LRRC4C: variants seen among roughly 807,000 people sequenced by gnomAD.
LRRC4C encodes leucine-rich repeat-containing protein 4C.
Under a neutral mutation model 33.6 loss-of-function variants are expected in LRRC4C, and 5 were observed. The ratio of observed to expected loss-of-function variants is 0.15; its 90% confidence interval spans 0.08 to 0.31. The LOEUF (loss-of-function observed/expected upper bound fraction) is 0.31. Among genes scored for constraint, LRRC4C ranks in the 10% least tolerant of loss-of-function variants. The pLI is 1.00. For synonymous variants in LRRC4C, 329 were observed against 302.0 expected (o/e 1.09, Z -0.93); for missense variants, 560 against 796.7 (o/e 0.70, Z 3.58).
chr11:41,327,022 C>T (rs556244375), intron 1 of LRRC4C, among the ~76,000 whole-genome samples: 32 of 152,114 alleles, frequency 2.1e-4, no homozygotes, highest in Admixed American at 4.6e-4. Context: ...ATTGATGAGC[C>T]GAGTCCAGTA....
At chr11:40,527,017 T>G (rs1181618227) in intron 3 of LRRC4C, among the ~76,000 whole-genome samples, 1 of 152,132 alleles carries the variant, frequency 6.6e-6, no homozygotes, top group African/African-American at 2.4e-5. Context: ...GCTAGACATA[T>G]AAAATTATAT....
chr11:41,165,985 C>T lies in LRRC4C; in HGVS notation c.-495-232262G>A, dbSNP rs188649654. Among the ~76,000 whole-genome samples, 11 of 150,974 alleles carry T rather than the reference C, an allele frequency of 7.3e-5. 2 individuals carry two copies. The highest frequency in any genetic ancestry group is 2.0e-4 in the East Asian group (1 of 5,100). On this transcript the variant is annotated intron_variant, in intron 1 of 6. Coordinates refer to ENST00000528697, the MANE Select transcript of LRRC4C (RefSeq NM_001258419.2). ...GGCGGAGGTTGCAGTGAGTCGAAAT[C>T]GTGCCATTGCACTCCAGCCTCGGCA...
intron 1 of LRRC4C, among the ~76,000 whole-genome samples, chr11:41,421,361 T>C (rs1412503865): frequency 2.0e-5 from 3 of 152,068 alleles, no homozygotes; most frequent in Non-Finnish European, 4.4e-5. Flanking sequence ...GTAATTTTGC[T>C]ACCAATTCAG....
chr11:40,479,008 G>T (rs1266990100), intron 3 of LRRC4C, among the ~76,000 whole-genome samples: 1 of 152,086 alleles, frequency 6.6e-6, no homozygotes, highest in Non-Finnish European at 1.5e-5. Context: ...TATACAAAAT[G>T]ATTACTCTGA....
intron 5 of LRRC4C, among the ~76,000 whole-genome samples, chr11:40,181,081 C>G (rs1412158175): frequency 6.6e-6 from 1 of 152,134 alleles, no homozygotes; most frequent in Non-Finnish European, 1.5e-5. Context: ...TCGTAATGGT[C>G]AGCCTGCAAA....
chr11:40,902,613 C>T (rs1336031671), intron 2 of LRRC4C, among the ~76,000 whole-genome samples: 1 of 152,078 alleles, frequency 6.6e-6, no homozygotes, highest in Non-Finnish European at 1.5e-5. Context: ...GTTGTGAAGG[C>T]AGAGGAAAAG....
intron 2 of LRRC4C, among the ~76,000 whole-genome samples, chr11:40,831,361 T>C (rs1952404082): frequency 6.6e-6 from 1 of 152,124 alleles, no homozygotes; most frequent in Non-Finnish European, 1.5e-5. Flanking sequence ...AATTAAATGA[T>C]GTTTTGAAAT....
At chr11:40,423,439 G>A (rs1950597496) in intron 3 of LRRC4C, among the ~76,000 whole-genome samples, 1 of 148,404 alleles carries the variant, frequency 6.7e-6, no homozygotes. Flanking sequence ...CCGCCTCCCG[G>A]GTTCACGCCA....
intron 5 of LRRC4C, among the ~76,000 whole-genome samples, chr11:40,203,071 C>A (rs1483491258): frequency 6.6e-6 from 1 of 152,136 alleles, no homozygotes; most frequent in Non-Finnish European, 1.5e-5. Flanking sequence ...AAATCCTAGC[C>A]ACTGTAATAT....
At chr11:40,497,835 T>A (rs980703295) in intron 3 of LRRC4C, among the ~76,000 whole-genome samples, 30 of 152,286 alleles carry the variant, frequency 2.0e-4, no homozygotes, top group African/African-American at 6.5e-4. Context: ...GGGTCAGAAG[T>A]TAAGCACAAG....
intron 2 of LRRC4C, among the ~76,000 whole-genome samples, chr11:40,819,798 G>T (rs976972311): frequency 6.6e-6 from 1 of 150,550 alleles, no homozygotes; most frequent in Non-Finnish European, 1.5e-5. Flanking sequence ...TTCTGAGATG[G>T]TTAAGCATAA....
At chr11:40,989,818 T>A (rs1329091065) in intron 1 of LRRC4C, among the ~76,000 whole-genome samples, 2 of 152,044 alleles carry the variant, frequency 1.3e-5, no homozygotes, top group Non-Finnish European at 2.9e-5. Context: ...GCCCTCCATA[T>A]CCTTGCCTTC....
chr11:40,388,342 G>T lies in LRRC4C; in HGVS notation c.-269-68621C>A, dbSNP rs118084770. The stretch of plus-strand genomic sequence containing the variant: ...AATTGCCTTGTTTTATTGAGCTCAG[G>T]ATACTCATAAGTACACCATAAAAGT... On this transcript the variant is annotated intron_variant, in intron 3 of 6. Transcript: ENST00000528697. Among the ~76,000 whole-genome samples, 488 of 152,196 alleles carry T rather than the reference G, an allele frequency of 3.2e-3. 2 individuals carry two copies. Among genetic ancestry groups the T allele is most frequent in the Admixed American group, 5.3e-3 (81 of 15,270 alleles).
intron 4 of LRRC4C, among the ~76,000 whole-genome samples, chr11:40,317,700 T>A (rs1197541293): frequency 3.3e-5 from 5 of 152,170 alleles, no homozygotes; most frequent in Admixed American, 3.3e-4. Flanking sequence ...ACTTCCTTCA[T>A]GGTTTTATTA....
At chr11:40,765,071 C>T (rs937258323) in intron 2 of LRRC4C, among the ~76,000 whole-genome samples, 1 of 152,138 alleles carries the variant, frequency 6.6e-6, no homozygotes, top group African/African-American at 2.4e-5. Context: ...CAGGAAAACA[C>T]GACTTCGCCA....
intron 5 of LRRC4C, among the ~76,000 whole-genome samples, chr11:40,150,983 ATG>A (rs1216015679): frequency 6.6e-6 from 1 of 152,054 alleles, no homozygotes; most frequent in Non-Finnish European, 1.5e-5. Context: ...AACTACCTAA[ATG>A]TCATCTGCTT....
chr11:41,325,577 T>TTTTTGTGTG lies in LRRC4C; in HGVS notation c.-496+133853_-496+133854insCACACAAAA, dbSNP rs202169756. On this transcript the variant is annotated intron_variant, in intron 1 of 6. Transcript: ENST00000528697. ...TTATTGTCCTTATAGTTTTTTTTTT[T>TTTTTGTGTG]TGTGTGTGTGTGTGTGTGTGTGTGT... Among the ~76,000 whole-genome samples, 30 of 104,160 alleles carry TTTTTGTGTG rather than the reference T, an allele frequency of 2.9e-4. No individual in the cohort carries two copies. In the Admixed American group the frequency reaches 3.1e-3, roughly 11 times the overall value. 68.3% of individuals were successfully genotyped at this position (104,160 alleles called of 152,430 possible).
At chr11:40,905,011 C>CA (rs1182066129) in intron 2 of LRRC4C, among the ~76,000 whole-genome samples, 1 of 152,114 alleles carries the variant, frequency 6.6e-6, no homozygotes, top group African/African-American at 2.4e-5. Context: ...TGCACACGCC[C>CA]ACCCCCTATC....
chr11:41,367,646 C>G (rs892932369), intron 1 of LRRC4C, among the ~76,000 whole-genome samples: 10 of 152,070 alleles, frequency 6.6e-5, no homozygotes, highest in African/African-American at 2.4e-4. Context: ...ATCTGTATGT[C>G]TGTACTGTAT....
Sources: gnomAD v4.1 joint callset for allele counts (sites outside exome capture counted in the v4.1 genomes callset) on GRCh38, gnomAD v4.1.1 for gene constraint, MANE v1.5 for transcripts, NCBI Gene and HGNC (gene_info 2026-07-23, HGNC 2026-07-21) for gene names.